KATNB1: variants seen among roughly 807,000 people sequenced by gnomAD.
The protein encoded by KATNB1 is katanin p80 WD40 repeat-containing subunit B1.
A neutral mutation model predicts 82.3 loss-of-function variants in KATNB1; 38 were observed. The ratio of observed to expected loss-of-function variants is 0.46; its 90% CI spans 0.36 to 0.61. The LOEUF (loss-of-function observed/expected upper bound fraction) is 0.61. KATNB1 is among the 20% of genes least tolerant of loss of function. The probability of loss-of-function intolerance (pLI) is 0.00; values close to 1 mark genes in which losing one functional copy is unlikely to be tolerated. For missense variants in KATNB1, 749 were observed against 915.7 expected, an observed-to-expected ratio of 0.82 and a Z score of 2.35; for synonymous variants, 361 against 368.7, an observed-to-expected ratio of 0.98 and a Z score of 0.24.
At chr16:57,736,879 G>A in intron 1 of KATNB1, 99 bp from the exon 2 acceptor site, 3 of 502,752 alleles carry the variant, frequency 6.0e-6, no homozygotes, top group Non-Finnish European at 1.2e-5. Context: ...GGTGGCTTTG[G>A]TGGGTGTCAG....
At chr16:57,743,996 G>T (rs2049163185) in intron 3 of KATNB1, among the ~76,000 whole-genome samples, 1 of 152,232 alleles carries the variant, frequency 6.6e-6, no homozygotes, top group African/African-American at 2.4e-5. Flanking sequence ...CCTCGCTGAG[G>T]GGCTTGCCTG....
At chr16:57,756,687 G>T in intron 19 of KATNB1, 127 bp from the exon 20 acceptor site, 1 of 1,408,304 alleles carries the variant, frequency 7.1e-7, no homozygotes, top group Non-Finnish European at 9.4e-7. Flanking sequence ...GGCCTGGGTG[G>T]TTCCCCTCTG....
intron 2 of KATNB1, among the ~76,000 whole-genome samples, chr16:57,741,131 G>T (rs539399026): frequency 6.6e-6 from 1 of 152,320 alleles, no homozygotes; most frequent in East Asian, 1.9e-4. Flanking sequence ...GAAGCCCTGT[G>T]CAGGCTTACC....
At position 57,753,998 on chromosome 16, in the gene KATNB1, G is replaced by C; in HGVS notation, c.1228+3G>C. On this transcript the variant is annotated splice_donor_region_variant and intron_variant, in intron 13 of 19. Transcript: ENST00000379661. ...CTTCCCTGCACCCCCAGAGGACGGT[G>C]AGTTGGGTGAGCCTGGTTTCCCAAG... The C allele has an allele frequency of 6.2e-7, 1 of 1,613,466 alleles. No individual in the cohort carries two copies. Among genetic ancestry groups the C allele is most frequent in the Non-Finnish European group, 8.5e-7 (1 of 1,179,734 alleles).
In KATNB1 at chr16:57,755,337, C is replaced by G; in HGVS notation, c.1417-8C>G. 1 of 1,612,894 alleles carries G rather than the reference C, an allele frequency of 6.2e-7. No individual in the cohort carries two copies. Among genetic ancestry groups the G allele is most frequent in the Non-Finnish European group, 8.5e-7 (1 of 1,179,906 alleles). On this transcript the variant is annotated splice_region_variant and splice_polypyrimidine_tract_variant and intron_variant, in intron 15 of 19. Coordinates refer to ENST00000379661, the MANE Select transcript of KATNB1 (RefSeq NM_005886.3). ...CCATGCCAGCATCTGGGTGTCCATC[C>G]CACGCAGGCCGTGAAGATCCCCCAG...
At chr16:57,745,998 C>T (rs2148791715) in intron 4 of KATNB1, among the ~76,000 whole-genome samples, 1 of 152,296 alleles carries the variant, frequency 6.6e-6, no homozygotes, top group South Asian at 2.1e-4. Flanking sequence ...GGGGAATTCT[C>T]TCCATCTGTT....
rs2049272945 is a variant in KATNB1, at chr16:57,755,923, T to G, written c.1643+6T>G. On this transcript the variant is annotated splice_donor_region_variant and intron_variant, in intron 17 of 19. Coordinates refer to ENST00000379661, the MANE Select transcript of KATNB1 (RefSeq NM_005886.3). ...AACATCGTCAACCAGAAAGCGTAAG[T>G]GGCTGCAGAGGGGGAGTGGGCGGAG... The G allele has an allele frequency of 1.2e-6, 2 of 1,603,678 alleles. No homozygotes were observed. Among genetic ancestry groups the G allele is most frequent in the Non-Finnish European group, 1.7e-6 (2 of 1,172,480 alleles).
intron 2 of KATNB1, among the ~76,000 whole-genome samples, chr16:57,737,612 G>T (rs1292482722): frequency 6.6e-6 from 1 of 152,168 alleles, no homozygotes; most frequent in Non-Finnish European, 1.5e-5. Flanking sequence ...TGACAGTGGG[G>T]TGAGAAATCC....
chr16:57,746,778 A>C (rs185136269), intron 4 of KATNB1, among the ~76,000 whole-genome samples: 253 of 152,332 alleles, frequency 1.7e-3, no homozygotes, highest in Non-Finnish European at 2.8e-3. Flanking sequence ...ATTCATGTGG[A>C]ATCCACCCAT....
At chr16:57,755,945 G>A (rs1360914411) in intron 17 of KATNB1, 28 bp downstream of exon 17, 6 of 1,607,782 alleles carry the variant, frequency 3.7e-6, no homozygotes, top group Non-Finnish European at 3.4e-6. Flanking sequence ...GGGAGTGGGC[G>A]GAGGGGCAGG....
chr16:57,755,637 C>A, intron 16 of KATNB1, 143 bp downstream of exon 16: 1 of 1,146,246 alleles, frequency 8.7e-7, no homozygotes. Flanking sequence ...CCATCTGTTT[C>A]CGCCATCATC....
intron 12 of KATNB1, 59 bp downstream of exon 12, chr16:57,753,578 G>A: frequency 1.3e-6 from 2 of 1,596,900 alleles, no homozygotes; most frequent in Non-Finnish European, 1.7e-6. Flanking sequence ...GAGGCTGGGG[G>A]TCCTTCCAGG....
intron 1 of KATNB1, 53 bp from the exon 2 acceptor site, chr16:57,736,925 C>T: frequency 3.3e-6 from 2 of 610,504 alleles, no homozygotes; most frequent in Non-Finnish European, 6.2e-6. Context: ...CAGGGAGCAA[C>T]AGCTCTTACC....
rs1192427017 is a variant in KATNB1 at position 57,757,031 on chromosome 16, T to C, written c.*85T>C. The stretch of plus-strand genomic sequence containing the variant: ...TGTTCCTTGTGCACCCACTGGCCCA[T>C]GAGCCTCTGCCTGGCCCCTGCTGCT... On this transcript the variant is annotated 3_prime_UTR_variant, in exon 20 of 20. Coordinates refer to ENST00000379661, the MANE Select transcript of KATNB1 (RefSeq NM_005886.3). 4 of 1,367,724 alleles carry C rather than the reference T, an allele frequency of 2.9e-6. No individual in the cohort carries two copies. The Admixed American group carries it at 9.5e-5, about 33-fold the overall frequency. 84.7% of individuals were successfully genotyped at this position (1,367,724 alleles called of 1,614,324 possible). A position where few individuals can be genotyped will look rare whatever the true frequency, so the allele number is the denominator to read the frequency against.
intron 4 of KATNB1, among the ~76,000 whole-genome samples, chr16:57,748,472 A>ATTTTT (rs782768160): frequency 2.8e-5 from 4 of 141,058 alleles, no homozygotes; most frequent in African/African-American, 7.8e-5. Flanking sequence ...TTTTTTTAAA[A>ATTTTT]AAAAAAAAAA....
intron 4 of KATNB1, among the ~76,000 whole-genome samples, chr16:57,748,209 G>A (rs1159840628): frequency 6.6e-6 from 1 of 152,166 alleles, no homozygotes; most frequent in East Asian, 1.9e-4. Flanking sequence ...GGATGGAAGA[G>A]AAACTTGCCA....
At position 57,756,633 on chromosome 16, in the gene KATNB1, G is replaced by A. The variant is rs74347123; in HGVS notation, c.1835+161G>A. ...CAGGGTGTGGGTGGGCTTAGCCAGA[G>A]CTGGGTTCCTCCATGGCCTGGCTGT... On this transcript the variant is annotated intron_variant, in intron 19 of 19. Coordinates refer to ENST00000379661, the MANE Select transcript of KATNB1 (RefSeq NM_005886.3). The A allele has an allele frequency of 5.6e-3, 6,828 of 1,218,154 alleles. 26 individuals carry two copies. The highest frequency in any genetic ancestry group is 6.9e-3 in the Non-Finnish European group (6,195 of 891,750). 75.5% of individuals were successfully genotyped at this position (1,218,154 alleles called of 1,614,324 possible). A position where few individuals can be genotyped will look rare whatever the true frequency, so the allele number is the denominator to read the frequency against.
In KATNB1 at chr16:57,751,488, T is replaced by TC. The variant is rs1555583076; in HGVS notation, c.433-149dup. 6.6e-6 allele frequency among the ~76,000 whole-genome samples: 1 copy of TC among 151,898 alleles called. No homozygotes were observed. The highest frequency in any genetic ancestry group is 1.5e-5 in the Non-Finnish European group (1 of 67,968). On this transcript the variant is annotated intron_variant, in intron 6 of 19. Transcript: ENST00000379661. The surrounding 1 kb of genome is among the most constrained non-coding windows in gnomAD (Gnocchi z 6.3). ...CCTGGATCCCCTGGCTCTGCATGAATCCCCTAGAGCCACGTTCATCAAACT... is the reference window on the plus strand; with the variant it reads ...CCTGGATCCCCTGGCTCTGCATGAATCCCCCTAGAGCCACGTTCATCAAACT...
Position 57,755,005 on chromosome 16 carries a change from C to T in KATNB1, c.1296+8C>T, listed in dbSNP as rs1262033920. 2.5e-6 allele frequency: 4 copies of T among 1,613,956 alleles called. No homozygotes were observed. The highest frequency in any genetic ancestry group is 2.5e-6 in the Non-Finnish European group (3 of 1,180,026). On this transcript the variant is annotated splice_region_variant and intron_variant, in intron 14 of 19. Coordinates refer to ENST00000379661, the MANE Select transcript of KATNB1 (RefSeq NM_005886.3). ...CAGTTCCCGGTGCCAAATGTATGTC[C>T]ATGGAGGGAGCATGGTGTGGGGCCT...
Sources: gnomAD v4.1 joint callset for allele counts (sites outside exome capture counted in the v4.1 genomes callset) on GRCh38, gnomAD v4.1.1 for gene constraint, Gnocchi (gnomAD v3.1) non-coding constraint, MANE v1.5 for transcripts, NCBI Gene and HGNC (gene_info 2026-07-23, HGNC 2026-07-21) for gene names.